Variants in EPDR1 observed in about 807,000 individuals in gnomAD.
EPDR1 encodes the protein ependymin related 1.
Under a neutral mutation model 23.7 loss-of-function variants are expected in EPDR1, and 27 were observed. That is an observed-to-expected ratio of 1.14 (90% CI 0.84 to 1.57). EPDR1 has a LOEUF of 1.57. Among genes scored for constraint, EPDR1 ranks in the 40% most tolerant of loss-of-function variants. The probability of loss-of-function intolerance (pLI) is 0.00; values close to 1 mark genes in which losing one functional copy is unlikely to be tolerated. For missense variants in EPDR1, 349 were observed against 290.4 expected (o/e 1.20, Z -1.47); for synonymous variants, 137 against 118.2 (o/e 1.16, Z -1.03).
chr7:37,945,574 C>T (rs765285654), intron 1 of EPDR1, among the ~76,000 whole-genome samples: 4 of 152,158 alleles, frequency 2.6e-5, no homozygotes, highest in Non-Finnish European at 1.5e-5. Context: ...GAAAAACTTC[C>T]ATTGCCTAGT....
At chr7:37,936,301 A>G (rs1294722330) in intron 1 of EPDR1, among the ~76,000 whole-genome samples, 2 of 152,034 alleles carry the variant, frequency 1.3e-5, no homozygotes, top group Non-Finnish European at 2.9e-5. Context: ...ACAAACATTC[A>G]TAATACAATG....
chr7:37,950,138 G>T, intron 2 of EPDR1, 62 bp from the exon 3 acceptor site: 1 of 1,286,916 alleles, frequency 7.8e-7, no homozygotes, highest in Non-Finnish European at 1.1e-6. Context: ...ACCACCATAA[G>T]AAAAAATATG....
At position 37,948,011 on chromosome 7, in the gene EPDR1, C is replaced by T. The variant is rs749662242; in HGVS notation, c.270-829C>T. 3.0e-4 allele frequency among the ~76,000 whole-genome samples: 46 copies of T among 152,342 alleles called. 1 individual carries two copies. Among genetic ancestry groups the T allele is most frequent in the Non-Finnish European group, 4.7e-4 (32 of 68,024 alleles). On this transcript the variant is annotated intron_variant, in intron 1 of 2. Transcript: ENST00000199448. The stretch of plus-strand genomic sequence containing the variant: ...CACTGCAGGGTATGTGGGCTGCGCC[C>T]GTGCCGGATCAGCTATGCGCATCAA...
intron 1 of EPDR1, among the ~76,000 whole-genome samples, chr7:37,926,159 T>C (rs1309891092): frequency 3.3e-5 from 5 of 152,196 alleles, no homozygotes; most frequent in African/African-American, 4.8e-5. Context: ...AGTAATCTTA[T>C]GTGTTTGGAA....
At chr7:37,921,933 G>A (rs1047495989) in intron 1 of EPDR1, among the ~76,000 whole-genome samples, 1 of 152,098 alleles carries the variant, frequency 6.6e-6, no homozygotes. Context: ...GCTTACAGGG[G>A]CAAAGCTGTA....
chr7:37,944,495 G>A (rs946726435), intron 1 of EPDR1, among the ~76,000 whole-genome samples: 13 of 152,190 alleles, frequency 8.5e-5, no homozygotes, highest in Non-Finnish European at 1.5e-4. Flanking sequence ...TGCTAATAAA[G>A]ACATACCTGA....
At chr7:37,949,133 G>C in intron 2 of EPDR1, 85 bp downstream of exon 2, 3 of 1,362,864 alleles carry the variant, frequency 2.2e-6, no homozygotes, top group Non-Finnish European at 3.1e-6. Flanking sequence ...GTAGTTTTTA[G>C]GGAAACATCC....
intron 1 of EPDR1, among the ~76,000 whole-genome samples, chr7:37,929,420 G>A (rs1007649142): frequency 2.6e-5 from 4 of 152,148 alleles, no homozygotes; most frequent in African/African-American, 9.7e-5. Context: ...GAAAAGAGCT[G>A]TGTTCTGATG....
chr7:37,928,318 A>G (rs1171136354), intron 1 of EPDR1, among the ~76,000 whole-genome samples: 2 of 152,090 alleles, frequency 1.3e-5, no homozygotes, highest in Admixed American at 6.5e-5. Context: ...AATAAATATG[A>G]TAGTCTTAGA....
At chr7:37,921,898 C>T (rs1352849738) in intron 1 of EPDR1, among the ~76,000 whole-genome samples, 1 of 152,162 alleles carries the variant, frequency 6.6e-6, no homozygotes, top group East Asian at 1.9e-4. Flanking sequence ...AGCTTGCCTC[C>T]TATTTTTAAT....
chr7:37,926,514 A>G (rs1298817788), intron 1 of EPDR1, among the ~76,000 whole-genome samples: 2 of 149,864 alleles, frequency 1.3e-5, no homozygotes, highest in African/African-American at 2.4e-5. Flanking sequence ...AAATGCAAGC[A>G]TTACACTTAA....
intron 1 of EPDR1, among the ~76,000 whole-genome samples, chr7:37,936,021 T>TACACAC (rs1352941735): frequency 2.6e-5 from 3 of 117,368 alleles, no homozygotes; most frequent in Non-Finnish European, 3.4e-5. Flanking sequence ...TATATATATA[T>TACACAC]ATATATATAT....
At chr7:37,928,904 G>T (rs1785873585) in intron 1 of EPDR1, among the ~76,000 whole-genome samples, 1 of 152,028 alleles carries the variant, frequency 6.6e-6, no homozygotes, top group Non-Finnish European at 1.5e-5. Flanking sequence ...CCTAACAGTT[G>T]TCCCCACTTC....
chr7:37,926,478 CAAAA>C (rs55920283), intron 1 of EPDR1, among the ~76,000 whole-genome samples: 2,822 of 120,430 alleles, frequency 0.023, 66 homozygotes, highest in African/African-American at 0.079. Flanking sequence ...TTCTTCATAG[CAAAA>C]AAAAAAAAAA....
intron 1 of EPDR1, among the ~76,000 whole-genome samples, chr7:37,937,985 A>T (rs201194883): frequency 0.044 from 3,174 of 72,772 alleles, 205 homozygotes; most frequent in Admixed American, 0.13. Context: ...TGCCCTTTAA[A>T]TTTTTTTTTT....
Position 37,951,400 on chromosome 7 carries a change from T to G in EPDR1, c.*1004T>G, listed in dbSNP as rs1786404536. 1 of 152,258 alleles carries G rather than the reference T, an allele frequency of 6.6e-6. No individual in the cohort carries two copies. Among genetic ancestry groups the G allele is most frequent in the African/African-American group, 2.4e-5 (1 of 41,460 alleles). The allele number at this position is 152,258 out of a possible 1,614,324, so 9.4% of individuals were successfully genotyped here. On this transcript the variant is annotated 3_prime_UTR_variant, in exon 3 of 3. Transcript: ENST00000199448. ...GAGTTGCTCCCAAGCCTGGATGAGT[T>G]GCACCTTGCATCTTGAGCATGCATT...
intron 1 of EPDR1, among the ~76,000 whole-genome samples, chr7:37,946,411 A>G (rs773645383): frequency 6.6e-6 from 1 of 152,148 alleles, no homozygotes; most frequent in Non-Finnish European, 1.5e-5. Context: ...CTGACTTTTT[A>G]TTAATAGCCA....
chr7:37,949,210 C>T (rs886595208), intron 2 of EPDR1, among the ~76,000 whole-genome samples, 162 bp downstream of exon 2: 4 of 152,206 alleles, frequency 2.6e-5, no homozygotes, highest in East Asian at 1.9e-4. Flanking sequence ...TATGTGGCAA[C>T]GGGATCTAAG....
Position 37,950,282 on chromosome 7 carries a change from G to T in EPDR1, c.561G>T (p.Leu187Phe), listed in dbSNP as rs764101843. The change falls in exon 3 of 3, where the codon TTG (leucine) becomes TTT (phenylalanine). Residue 187 changes from leucine (L) to phenylalanine (F), a missense_variant. Leu to Phe is a conservative substitution (Grantham distance 22, BLOSUM62 0). Coordinates refer to ENST00000199448, the MANE Select transcript of EPDR1 (RefSeq NM_017549.5). Reference sequence around the variant, plus strand: ...TTACCATAAACTACAGTGTGATATTGTCTACGCGGTTTTTTGACATCCAGC... The same window carrying T: ...TTACCATAAACTACAGTGTGATATTTTCTACGCGGTTTTTTGACATCCAGC... ...ETFTINYSVI[L>F]STRFFDIQLG... 1.9e-6 allele frequency: 3 copies of T among 1,613,926 alleles called. No individual in the cohort carries two copies. The highest frequency in any genetic ancestry group is 1.1e-5 in the South Asian group (1 of 91,072).
Sources: gnomAD v4.1 joint callset for allele counts (sites outside exome capture counted in the v4.1 genomes callset) on GRCh38, gnomAD v4.1.1 for gene constraint, MANE v1.5 for transcripts, NCBI Gene and HGNC (gene_info 2026-07-23, HGNC 2026-07-21) for gene names.